TOX4: variants seen among roughly 807,000 people sequenced by gnomAD.
TOX4 encodes the protein epidermal Langerhans cell protein LCP1.
TOX4 carries 12 observed loss-of-function variants against 61.0 expected under a neutral mutation model. That is an observed-to-expected ratio of 0.20 (90% CI 0.13 to 0.32). The LOEUF (loss-of-function observed/expected upper bound fraction) is 0.32, where lower values mean the gene tolerates loss of function less well. TOX4 is among the 10% of genes least tolerant of loss of function. TOX4 has a pLI of 1.00. For missense variants in TOX4, 499 were observed against 753.3 expected, an observed-to-expected ratio of 0.66 and a Z score of 3.95; for synonymous variants, 268 against 274.8, an observed-to-expected ratio of 0.98 and a Z score of 0.24.
chr14:21,477,356 G>A, intron 1 of TOX4, 72 bp downstream of exon 1: 3 of 1,613,676 alleles, frequency 1.9e-6, no homozygotes, highest in Non-Finnish European at 2.5e-6. Flanking sequence ...ACGGGAAGCC[G>A]GGCGGAGAGG....
intron 2 of TOX4, among the ~76,000 whole-genome samples, chr14:21,483,817 T>C (rs1021640072): frequency 7.4e-5 from 11 of 147,714 alleles, no homozygotes; most frequent in East Asian, 6.1e-4. Context: ...TGTGTGTGTG[T>C]GCGCGTGTGA....
intron 2 of TOX4, among the ~76,000 whole-genome samples, chr14:21,483,842 C>G (rs1686965215): frequency 6.6e-6 from 1 of 152,020 alleles, no homozygotes; most frequent in Admixed American, 6.6e-5. Context: ...GAGTCTTGCT[C>G]TGTCATCCAG....
At chr14:21,488,363 T>C (rs1177296761) in intron 3 of TOX4, 3 of 523,228 alleles carry the variant, frequency 5.7e-6, no homozygotes, top group Non-Finnish European at 1.0e-5. Flanking sequence ...GCGACTTCTC[T>C]GATTATTTTT....
chr14:21,491,871 C>T (rs1359580062), intron 5 of TOX4, among the ~76,000 whole-genome samples: 2 of 151,400 alleles, frequency 1.3e-5, no homozygotes, highest in African/African-American at 4.8e-5. Flanking sequence ...ATTAGCCGGG[C>T]GTGGTGGCGG....
rs1293721338 is a variant in TOX4, at chr14:21,497,298, A to ATTAT, written c.*695_*698dup. The ATTAT allele has an allele frequency of 6.6e-6, 1 of 152,180 alleles. No homozygotes were observed. Among genetic ancestry groups the ATTAT allele is most frequent in the East Asian group, 1.9e-4 (1 of 5,198 alleles). 9.4% of individuals were successfully genotyped at this position (152,180 alleles called of 1,614,324 possible). ...ATCTTTAAAAGACCATAGGTCTATC[A>ATTAT]TTATTTCTTAGACATAATCTAAAGA... On this transcript the variant is annotated 3_prime_UTR_variant, in exon 9 of 9. Coordinates refer to ENST00000448790, the MANE Select transcript of TOX4 (RefSeq NM_014828.4).
Position 21,477,228 on chromosome 14 carries a change from G to C in TOX4, c.-51G>C, listed in dbSNP as rs1413027296. 2 of 1,614,020 alleles carry C rather than the reference G, an allele frequency of 1.2e-6. No individual in the cohort carries two copies. Among genetic ancestry groups the C allele is most frequent in the African/African-American group, 1.3e-5 (1 of 74,940 alleles). ...AGTGACGGCAGTTCCGAGTCCAGTG[G>C]GGGCGGTGGGAGCGATGAGGGTCTG... On this transcript the variant is annotated 5_prime_UTR_variant, in exon 1 of 9. Transcript: ENST00000448790.
At chr14:21,483,089 C>T (rs1279644706) in intron 2 of TOX4, among the ~76,000 whole-genome samples, 1 of 152,084 alleles carries the variant, frequency 6.6e-6, no homozygotes, top group African/African-American at 2.4e-5. Context: ...TTTATGTAGC[C>T]ATGTCTAATT....
intron 3 of TOX4, 34 bp downstream of exon 3, chr14:21,487,727 C>T: frequency 6.3e-7 from 1 of 1,585,920 alleles, no homozygotes; most frequent in Non-Finnish European, 8.6e-7. Context: ...CTTACCCCAG[C>T]TAATGGGCAT....
chr14:21,477,401 G>A (rs539763693), intron 1 of TOX4, 95 bp from the exon 2 acceptor site: 5 of 1,611,192 alleles, frequency 3.1e-6, no homozygotes, highest in East Asian at 4.5e-5. Context: ...CGGGGTTTGG[G>A]GAGTGTTGTC....
chr14:21,492,966 G>C lies in TOX4; in HGVS notation c.1350G>C (p.Gln450His). The C allele has an allele frequency of 6.2e-7, 1 of 1,613,430 alleles. No homozygotes were observed. The highest frequency in any genetic ancestry group is 8.5e-7 in the Non-Finnish European group (1 of 1,179,730). ...PPRLQPPPLQ[Q>H]MPQPPTQQQV... Reference sequence around the variant, plus strand: ...GACTACAGCCCCCTCCATTACAACAGATGCCACAGCCCCCGACTCAGCAGC... The same window carrying C: ...GACTACAGCCCCCTCCATTACAACACATGCCACAGCCCCCGACTCAGCAGC... Residue 450 changes from glutamine to histidine, a missense_variant, in exon 7 of 9, where the codon CAG (glutamine) becomes CAC (histidine). By Grantham distance (24) the Gln-to-His change is conservative. This residue lies in a region of TOX4 where 296 missense variants were observed against 404.7 expected (regional missense o/e 0.73). Transcript: ENST00000448790.
Position 21,487,631 on chromosome 14 carries a change from G to C in TOX4, c.256G>C (p.Val86Leu). Residue 86 changes from valine to leucine, a missense_variant, in exon 3 of 9, where the codon GTG becomes CTG. By Grantham distance (32) the Val-to-Leu change is conservative. This residue lies in a region of TOX4 where 90 missense variants were observed against 109.5 expected (regional missense o/e 0.82). Transcript: ENST00000448790. ...QYGVQTLDMP[V>L]GMTHGLMEQG... ...TGGGGTCCAGACATTGGACATGCCT[G>C]TGGGCATGACCCATGGCTTGATGGA... 1 of 1,614,154 alleles carries C rather than the reference G, an allele frequency of 6.2e-7. No homozygotes were observed. Among genetic ancestry groups the C allele is most frequent in the Non-Finnish European group, 8.5e-7 (1 of 1,179,990 alleles).
intron 5 of TOX4, chr14:21,492,089 G>A (rs1243137603): frequency 2.1e-6 from 1 of 469,164 alleles, no homozygotes; most frequent in African/African-American, 2.0e-5. Context: ...CCTGTCGATT[G>A]GTTGTCTTTC....
rs1431004890 is a variant in TOX4, at chr14:21,497,203, C to T, written c.*597C>T. The T allele has an allele frequency of 6.6e-6, 1 of 152,156 alleles. No homozygotes were observed. Among genetic ancestry groups the T allele is most frequent in the East Asian group, 1.9e-4 (1 of 5,194 alleles). 9.4% of individuals were successfully genotyped at this position (152,156 alleles called of 1,614,324 possible). On this transcript the variant is annotated 3_prime_UTR_variant, in exon 9 of 9. Transcript: ENST00000448790. ...TATCACAGTTCATGAATCTAAGAGG[C>T]GGAACTCTACATCATTAGTAAGAGG... is the stretch of plus-strand genomic sequence containing the variant.
rs1234092064 is a variant in TOX4 at position 21,482,412 on chromosome 14, C to G, written c.75+4848C>G. 9.4e-6 allele frequency: 3 copies of G among 319,872 alleles called. No homozygotes were observed. In the East Asian group the frequency reaches 2.8e-4, roughly 30 times the overall value. 19.8% of individuals were successfully genotyped at this position (319,872 alleles called of 1,614,324 possible). ...AATAAATTTCTCTAAAGTGAATGAT[C>G]TATATAATAAGCTAAAGAAATAATA... is the stretch of plus-strand genomic sequence containing the variant. On this transcript the variant is annotated intron_variant, in intron 2 of 8. Transcript: ENST00000448790.
Position 21,498,104 on chromosome 14 carries a change from C to CTGTT in TOX4, c.*1499_*1502dup, listed in dbSNP as rs1209984727. On this transcript the variant is annotated 3_prime_UTR_variant, in exon 9 of 9. Coordinates refer to ENST00000448790, the MANE Select transcript of TOX4 (RefSeq NM_014828.4). ...GAGATGAGTTGCACAAGATTATACA[C>CTGTT]TGTTAAGTAGCAGAGCCAGAATGGA... 6.6e-6 allele frequency: 4 copies of CTGTT among 610,014 alleles called. No homozygotes were observed. Among genetic ancestry groups the CTGTT allele is most frequent in the Non-Finnish European group, 1.2e-5 (4 of 344,466 alleles). 37.8% of individuals were successfully genotyped at this position (610,014 alleles called of 1,614,324 possible). A position where few individuals can be genotyped will look rare whatever the true frequency, so the allele number is the denominator to read the frequency against.
intron 7 of TOX4, 77 bp downstream of exon 7, chr14:21,493,334 G>T (rs766111917): frequency 6.7e-6 from 10 of 1,482,918 alleles, no homozygotes; most frequent in Non-Finnish European, 9.0e-6. Context: ...AACAGTGGGG[G>T]TTGCTACTAG....
chr14:21,477,744 A>C (rs1186869201), intron 2 of TOX4, among the ~76,000 whole-genome samples, 180 bp downstream of exon 2: 1 of 152,164 alleles, frequency 6.6e-6, no homozygotes, highest in Non-Finnish European at 1.5e-5. Flanking sequence ...AAGTCTTGGG[A>C]AGTTGCTGTC....
chr14:21,491,398 C>T (rs1447679985), intron 5 of TOX4, among the ~76,000 whole-genome samples: 6 of 151,614 alleles, frequency 4.0e-5, no homozygotes, highest in Non-Finnish European at 7.4e-5. Flanking sequence ...CTCACTGTGT[C>T]GCCCAGGCTG....
intron 2 of TOX4, among the ~76,000 whole-genome samples, chr14:21,480,680 CAT>C (rs1566479049): frequency 4.6e-5 from 7 of 152,028 alleles, no homozygotes; most frequent in Admixed American, 3.9e-4. Context: ...CATCAAAAAA[CAT>C]GATTAACAAA....
Sources: allele counts gnomAD v4.1 joint callset (sites outside exome capture counted in the v4.1 genomes callset), GRCh38; gene constraint gnomAD v4.1.1; regional missense constraint gnomAD v4.1.1; transcripts MANE v1.5; gene names NCBI Gene and HGNC (gene_info 2026-07-23, HGNC 2026-07-21).